Variants in FYB1 observed in about 807,000 individuals in gnomAD.
FYB1 encodes FYN binding protein 1, also known as FYN-binding protein 1.
In FYB1, 41 loss-of-function variants were observed where a neutral mutation model predicts 94.1. That is an observed-to-expected ratio of 0.44 (90% CI 0.34 to 0.57). FYB1 has a LOEUF of 0.57. FYB1 is among the 20% of genes least tolerant of loss of function. The probability of loss-of-function intolerance (pLI) is 0.02; values close to 1 mark genes in which losing one functional copy is unlikely to be tolerated. For missense variants in FYB1, 1,050 were observed against 976.8 expected (o/e 1.07, Z -1.00); for synonymous variants, 367 against 353.2 (o/e 1.04, Z -0.44).
At chr5:39,247,371 C>T (rs1397459166) in intron 1 of FYB1, among the ~76,000 whole-genome samples, 2 of 151,694 alleles carry the variant, frequency 1.3e-5, no homozygotes, top group African/African-American at 4.8e-5. Flanking sequence ...AAAGCTTATT[C>T]CTACATAATT....
At chr5:39,247,899 G>GTTTTGTTTTC (rs1751555650) in intron 1 of FYB1, among the ~76,000 whole-genome samples, 1 of 151,774 alleles carries the variant, frequency 6.6e-6, no homozygotes, top group South Asian at 2.1e-4. Context: ...TTTTTGTTTT[G>GTTTTGTTTTC]TTTTGTTTTG....
At chr5:39,128,506 C>T (rs1740888916) in intron 10 of FYB1, among the ~76,000 whole-genome samples, 1 of 152,088 alleles carries the variant, frequency 6.6e-6, no homozygotes, top group African/African-American at 2.4e-5. Flanking sequence ...CATTGAACTA[C>T]AGTCAAGGTG....
chr5:39,180,936 A>T (rs1294816195), intron 2 of FYB1, among the ~76,000 whole-genome samples: 1 of 152,120 alleles, frequency 6.6e-6, no homozygotes, highest in African/African-American at 2.4e-5. Context: ...TTACTTTTCC[A>T]TATATTTCTG....
chr5:39,117,339 C>T (rs987808710), intron 16 of FYB1, among the ~76,000 whole-genome samples: 7 of 152,034 alleles, frequency 4.6e-5, no homozygotes, highest in Admixed American at 6.6e-5. Flanking sequence ...GTGTATTCAT[C>T]GTAACATTTA....
intron 3 of FYB1, among the ~76,000 whole-genome samples, chr5:39,147,310 C>A (rs1742745750): frequency 6.6e-6 from 1 of 151,750 alleles, no homozygotes; most frequent in South Asian, 2.1e-4. Flanking sequence ...TACTCTGTCC[C>A]CCAGGCTGGA....
intron 1 of FYB1, among the ~76,000 whole-genome samples, chr5:39,206,285 T>G (rs1007354802): frequency 6.6e-6 from 1 of 152,240 alleles, no homozygotes; most frequent in African/African-American, 2.4e-5. Flanking sequence ...ATCACTAATA[T>G]TGGCTTCTTA....
chr5:39,231,153 A>AC (rs1561293993), intron 1 of FYB1, among the ~76,000 whole-genome samples: 41 of 118,658 alleles, frequency 3.5e-4, no homozygotes, highest in Admixed American at 4.8e-4. Context: ...AGAGCAAAAA[A>AC]AAAAAAAACA....
rs146986865 is a variant in FYB1 at position 39,213,588 on chromosome 5, G to A, written c.-28+5855C>T. Among the ~76,000 whole-genome samples the A allele has an allele frequency of 1.3e-3, 198 of 152,272 alleles. 2 individuals are homozygous for A. Among genetic ancestry groups the A allele is most frequent in the Non-Finnish European group, 2.4e-3 (165 of 68,026 alleles). On this transcript the variant is annotated intron_variant, in intron 1 of 18. Transcript: ENST00000512982. Reference sequence around the variant, plus strand: ...ACATCCTGATTGACTTTGCAACATCGTGGGCAATCTGAAAGGGGAAACAAC... The same window carrying A: ...ACATCCTGATTGACTTTGCAACATCATGGGCAATCTGAAAGGGGAAACAAC...
chr5:39,162,560 C>T (rs554611420), intron 2 of FYB1, among the ~76,000 whole-genome samples: 4 of 152,204 alleles, frequency 2.6e-5, no homozygotes, highest in African/African-American at 9.6e-5. Flanking sequence ...TGGCGCTTGT[C>T]TGTAGTCCCA....
At chr5:39,155,650 T>C (rs918504629) in intron 2 of FYB1, among the ~76,000 whole-genome samples, 1 of 152,182 alleles carries the variant, frequency 6.6e-6, no homozygotes, top group African/African-American at 2.4e-5. Flanking sequence ...AACAGTACAT[T>C]TTCTCCTACT....
intron 17 of FYB1, among the ~76,000 whole-genome samples, chr5:39,109,564 A>G (rs1219091472): frequency 6.6e-6 from 1 of 152,104 alleles, no homozygotes; most frequent in East Asian, 1.9e-4. Context: ...GGCCTTTACT[A>G]GTTTGCCAGC....
At chr5:39,256,592 T>G (rs974309329) in intron 1 of FYB1, among the ~76,000 whole-genome samples, 5 of 152,208 alleles carry the variant, frequency 3.3e-5, no homozygotes, top group African/African-American at 9.6e-5. Context: ...CAGGTGGACT[T>G]TGCTTAGAAA....
intron 3 of FYB1, among the ~76,000 whole-genome samples, chr5:39,150,559 T>C (rs1273367119): frequency 6.6e-6 from 1 of 152,346 alleles, no homozygotes; most frequent in East Asian, 1.9e-4. Flanking sequence ...AGATCTGTTG[T>C]GATTTTAACA....
intron 16 of FYB1, among the ~76,000 whole-genome samples, chr5:39,112,185 T>C (rs2150259234): frequency 6.6e-6 from 1 of 152,064 alleles, no homozygotes; most frequent in East Asian, 1.9e-4. Context: ...TCTGTACCCA[T>C]ATAGGGCTAC....
intron 3 of FYB1, among the ~76,000 whole-genome samples, chr5:39,142,480 G>T (rs1742276123): frequency 6.6e-6 from 1 of 152,102 alleles, no homozygotes. Flanking sequence ...AATTTTCTGA[G>T]AATCCATTGA....
chr5:39,249,555 C>T (rs1353562911), intron 1 of FYB1, among the ~76,000 whole-genome samples: 1 of 151,702 alleles, frequency 6.6e-6, no homozygotes, highest in African/African-American at 2.4e-5. Context: ...AAAGACCATT[C>T]TAGTAGCAGA....
At chr5:39,257,421 T>TC (rs1751985584) in intron 1 of FYB1, among the ~76,000 whole-genome samples, 1 of 152,068 alleles carries the variant, frequency 6.6e-6, no homozygotes, top group Admixed American at 6.6e-5. Context: ...GCAGAATTTT[T>TC]TTTTTTTTTT....
At chr5:39,237,194 C>G (rs1453966534) in intron 1 of FYB1, among the ~76,000 whole-genome samples, 1 of 151,930 alleles carries the variant, frequency 6.6e-6, no homozygotes, top group African/African-American at 2.4e-5. Context: ...CCAAAAACAA[C>G]AGTTAGGTAG....
chr5:39,260,159 T>C (rs1245005071), intron 1 of FYB1, among the ~76,000 whole-genome samples: 2 of 151,988 alleles, frequency 1.3e-5, no homozygotes, highest in Non-Finnish European at 2.9e-5. Flanking sequence ...AAGGAGGAAA[T>C]GATAGAGTAA....
Sources: gnomAD v4.1 joint callset for allele counts (sites outside exome capture counted in the v4.1 genomes callset) on GRCh38, gnomAD v4.1.1 for gene constraint, MANE v1.5 for transcripts, NCBI Gene and HGNC (gene_info 2026-07-23, HGNC 2026-07-21) for gene names.